The following FGF14 variants were observed in gnomAD, a reference collection of about 807,000 sequenced individuals.
FGF14 encodes the protein fibroblast growth factor homologous factor 4.
Under a neutral mutation model 25.5 loss-of-function variants are expected in FGF14, and 5 were observed. The ratio of observed to expected loss-of-function variants is 0.20; its 90% CI spans 0.10 to 0.41. The LOEUF is 0.41. Ranked by LOEUF, FGF14 falls within the 10% of genes least tolerant of loss-of-function variation. FGF14 has a pLI of 1.00. For missense variants in FGF14, 222 were observed against 320.1 expected, an observed-to-expected ratio of 0.69 and a Z score of 2.34; for synonymous variants, 138 against 118.3, an observed-to-expected ratio of 1.17 and a Z score of -1.08.
intron 1 of FGF14, among the ~76,000 whole-genome samples, chr13:102,095,186 T>TGTCA (rs2044335356): frequency 6.6e-6 from 1 of 152,110 alleles, no homozygotes; most frequent in Non-Finnish European, 1.5e-5. Flanking sequence ...ATCAAGGAAA[T>TGTCA]TATTTAAAAT....
chr13:102,377,241 C>G (rs1278987210), intron 1 of FGF14, among the ~76,000 whole-genome samples: 1 of 152,078 alleles, frequency 6.6e-6, no homozygotes, highest in Non-Finnish European at 1.5e-5. Context: ...AATAGCAAAG[C>G]TAAGGCTTAA....
chr13:102,217,374 G>A (rs2050419924), intron 1 of FGF14, among the ~76,000 whole-genome samples: 1 of 152,084 alleles, frequency 6.6e-6, no homozygotes, highest in African/African-American at 2.4e-5. Flanking sequence ...CTATCAAAAC[G>A]CTCATAGAGA....
At chr13:102,350,946 T>C (rs1220007418) in intron 1 of FGF14, among the ~76,000 whole-genome samples, 1 of 152,034 alleles carries the variant, frequency 6.6e-6, no homozygotes, top group Non-Finnish European at 1.5e-5. Context: ...AGCAACAGAT[T>C]CTCCTCTTAT....
chr13:102,267,757 T>A (rs927301421), intron 1 of FGF14, among the ~76,000 whole-genome samples: 17 of 152,130 alleles, frequency 1.1e-4, no homozygotes, highest in Admixed American at 5.9e-4. Flanking sequence ...ATCCTTGGTA[T>A]TTTACAATCA....
chr13:102,206,592 G>A (rs1038726917), intron 1 of FGF14, among the ~76,000 whole-genome samples: 14 of 151,990 alleles, frequency 9.2e-5, no homozygotes, highest in African/African-American at 3.4e-4. Context: ...GAGGTGGGAG[G>A]ATCACTTGAA....
At chr13:102,269,720 G>A (rs977532587) in intron 1 of FGF14, among the ~76,000 whole-genome samples, 2 of 152,034 alleles carry the variant, frequency 1.3e-5, no homozygotes, top group Non-Finnish European at 2.9e-5. Context: ...ACAAGTTGAT[G>A]GAAGTCAGAT....
intron 1 of FGF14, among the ~76,000 whole-genome samples, chr13:101,998,415 T>C (rs2039303994): frequency 6.6e-6 from 1 of 152,188 alleles, no homozygotes. Flanking sequence ...TTATTTGTCA[T>C]ACAAACCAGA....
chr13:102,388,721 G>A (rs771107475), intron 1 of FGF14, among the ~76,000 whole-genome samples: 3 of 152,088 alleles, frequency 2.0e-5, no homozygotes, highest in Non-Finnish European at 4.4e-5. Flanking sequence ...TCATTTTATT[G>A]CTTTCTTAGT....
At chr13:102,233,501 G>A (rs2051180231) in intron 1 of FGF14, among the ~76,000 whole-genome samples, 1 of 151,908 alleles carries the variant, frequency 6.6e-6, no homozygotes, top group Non-Finnish European at 1.5e-5. Context: ...ACCAGGGCAG[G>A]GACTTTTACC....
At chr13:101,762,015 G>A (rs9513943) in intron 3 of FGF14, among the ~76,000 whole-genome samples, 138,121 of 152,212 alleles carry the variant, frequency 0.91, 64,226 homozygotes, top group East Asian at 1. Flanking sequence ...TGAATACTAA[G>A]CAGTATAGGT....
intron 3 of FGF14, among the ~76,000 whole-genome samples, chr13:101,743,230 T>G (rs2036664979): frequency 6.6e-6 from 1 of 152,182 alleles, no homozygotes; most frequent in Admixed American, 6.5e-5. Flanking sequence ...CTTTCTAAAT[T>G]GATTGAGACC....
At chr13:101,800,127 G>A (rs1408139838) in intron 3 of FGF14, among the ~76,000 whole-genome samples, 1 of 151,898 alleles carries the variant, frequency 6.6e-6, no homozygotes. Context: ...AGAGTGTCTC[G>A]AATAAAAATT....
In FGF14 at chr13:101,714,828, G is replaced by C. The variant is rs928401816; in HGVS notation, c.*8003C>G. On this transcript the variant is annotated 3_prime_UTR_variant, in exon 5 of 5. Coordinates refer to ENST00000376143, the MANE Select transcript of FGF14 (RefSeq NM_004115.4). Reference sequence around the variant, plus strand: ...CCACCCTCAAACTCACATGTATGCAGTTGTATATTGAACACAGAAAAGAAT... The same window carrying C: ...CCACCCTCAAACTCACATGTATGCACTTGTATATTGAACACAGAAAAGAAT... The C allele has an allele frequency of 6.7e-5, 28 of 415,040 alleles. No homozygotes were observed. The highest frequency in any genetic ancestry group is 1.2e-4 in the Non-Finnish European group (27 of 230,898). 25.7% of individuals were successfully genotyped at this position (415,040 alleles called of 1,614,324 possible). A position where few individuals can be genotyped will look rare whatever the true frequency, so the allele number is the denominator to read the frequency against.
intron 1 of FGF14, among the ~76,000 whole-genome samples, chr13:101,890,439 G>A (rs886449157): frequency 6.6e-6 from 1 of 152,146 alleles, no homozygotes; most frequent in African/African-American, 2.4e-5. Flanking sequence ...GTGTGCCAGG[G>A]AGAACCATTT....
rs541585688 is a variant in FGF14, at chr13:102,259,377, T to C, written c.208+142094A>G. Among the ~76,000 whole-genome samples, 5 of 152,326 alleles carry C rather than the reference T, an allele frequency of 3.3e-5. No individual in the cohort carries two copies. In the East Asian group the frequency reaches 9.6e-4, roughly 29 times the overall value. On this transcript the variant is annotated intron_variant, in intron 1 of 4. Coordinates refer to the FGF14 transcript ENST00000376131. ...ATTTTATTTGACTGGTTTTTTGTTT[T>C]GTTTTGTTTTGTTTTTTGAAACAGA...
chr13:102,167,016 G>A (rs750616868), intron 1 of FGF14, among the ~76,000 whole-genome samples: 6 of 151,996 alleles, frequency 3.9e-5, no homozygotes, highest in African/African-American at 1.2e-4. Context: ...AAGACAAAGC[G>A]AATTGGCAGG....
At chr13:102,074,142 G>A (rs1019127689) in intron 1 of FGF14, among the ~76,000 whole-genome samples, 1 of 152,092 alleles carries the variant, frequency 6.6e-6, no homozygotes, top group African/African-American at 2.4e-5. Context: ...CTCCAAGTAG[G>A]TGGGACTACA....
chr13:101,741,601 A>C (rs1056315731), intron 3 of FGF14, among the ~76,000 whole-genome samples: 1 of 151,236 alleles, frequency 6.6e-6, no homozygotes. Flanking sequence ...CTAAACCTTT[A>C]AAAATAGTTG....
At chr13:102,186,665 G>A (rs902872211) in intron 1 of FGF14, among the ~76,000 whole-genome samples, 1 of 151,948 alleles carries the variant, frequency 6.6e-6, no homozygotes, top group Admixed American at 6.6e-5. Context: ...TCCAACTTTT[G>A]TAAAATCAGT....
Sources: allele counts gnomAD v4.1 joint callset (sites outside exome capture counted in the v4.1 genomes callset), GRCh38; gene constraint gnomAD v4.1.1; transcripts MANE v1.5; gene names NCBI Gene and HGNC (gene_info 2026-07-23, HGNC 2026-07-21).